CALCOCO1: variants seen among roughly 807,000 people sequenced by gnomAD.
CALCOCO1 encodes the protein calcium binding and coiled-coil domain 1.
A neutral mutation model predicts 86.3 loss-of-function variants in CALCOCO1; 44 were observed. That is an observed-to-expected ratio of 0.51 (90% CI 0.40 to 0.66). The LOEUF is 0.66. Ranked by LOEUF, CALCOCO1 falls within the 30% of genes least tolerant of loss-of-function variation. The pLI, the probability that CALCOCO1 is intolerant of heterozygous loss-of-function variation, is 0.00. For synonymous variants in CALCOCO1, 297 were observed against 327.6 expected, an observed-to-expected ratio of 0.91 and a Z score of 1.01; for missense variants, 708 against 851.1, an observed-to-expected ratio of 0.83 and a Z score of 2.09.
intron 6 of CALCOCO1, 64 bp downstream of exon 6, chr12:53,721,403 G>T: frequency 6.9e-7 from 1 of 1,440,618 alleles, no homozygotes; most frequent in Non-Finnish European, 9.3e-7. Flanking sequence ...GCCTGAGAGA[G>T]GGGGCTGGAG....
chr12:53,714,524 C>T (rs2120560009), intron 11 of CALCOCO1, 74 bp downstream of exon 11: 2 of 1,139,764 alleles, frequency 1.8e-6, no homozygotes, highest in South Asian at 1.3e-5. Context: ...CAAGAGATGA[C>T]AGGAATTTAC....
chr12:53,710,010 G>C lies in CALCOCO1; in HGVS notation c.*1934C>G, dbSNP rs973484407. Reference sequence around the variant, plus strand: ...TAGGCCAAGAGAGGGAGAGGGAGAGGGGGGAAGGTAAAAGGAGGGATGGGG... The same window carrying C: ...TAGGCCAAGAGAGGGAGAGGGAGAGCGGGGAAGGTAAAAGGAGGGATGGGG... On this transcript the variant is annotated 3_prime_UTR_variant, in exon 15 of 15. Transcript: ENST00000550804. 1 of 68,796 alleles carries C rather than the reference G, an allele frequency of 1.5e-5. No homozygotes were observed. Among genetic ancestry groups the C allele is most frequent in the South Asian group, 3.5e-4 (1 of 2,846 alleles). 4.3% of individuals were successfully genotyped at this position (68,796 alleles called of 1,614,324 possible).
Position 53,716,045 on chromosome 12 carries a change from G to A in CALCOCO1, c.1008C>T (p.Ala336=), listed in dbSNP as rs573432857. The A allele has an allele frequency of 1.1e-5, 17 of 1,611,662 alleles. No homozygotes were observed. Among genetic ancestry groups the A allele is most frequent in the East Asian group, 6.7e-5 (3 of 44,878 alleles). The part of the protein sequence containing the change: ...DTLGQAQQRV[A]ELEPLKEQLR... ...GCTGCTCCTTCAAGGGCTCCAGCTC[G>A]GCCTCAGGAGAAAGGAGGAGATGGA... Residue 336 remains alanine (A), a splice_region_variant and synonymous_variant, in exon 9 of 15, where the codon GCC becomes GCT. Coordinates refer to ENST00000550804, the MANE Select transcript of CALCOCO1 (RefSeq NM_020898.3).
At chr12:53,723,485 G>T in intron 4 of CALCOCO1, 108 bp downstream of exon 4, 1 of 1,140,070 alleles carries the variant, frequency 8.8e-7, no homozygotes, top group Non-Finnish European at 1.3e-6. Context: ...TTTCAACGAG[G>T]TCTTTAGTTG....
intron 2 of CALCOCO1, 59 bp from the exon 3 acceptor site, chr12:53,724,806 A>C: frequency 3.6e-6 from 5 of 1,390,840 alleles, no homozygotes; most frequent in African/African-American, 1.4e-5. Context: ...TATGGATGGA[A>C]GAAAGGGCTG....
Position 53,715,779 on chromosome 12 carries a change from C to G in CALCOCO1, c.1260+14G>C. 6.2e-7 allele frequency: 1 copy of G among 1,609,654 alleles called. No homozygotes were observed. The highest frequency in any genetic ancestry group is 8.5e-7 in the Non-Finnish European group (1 of 1,178,638). The stretch of plus-strand genomic sequence containing the variant: ...AGTGGCCATCAGATTGCCAGGTACC[C>G]CCCATCCCTCTACCTCCACACTCTG... On this transcript the variant is annotated intron_variant, in intron 9 of 14. Transcript: ENST00000550804.
chr12:53,720,130 T>C (rs1305994122), intron 6 of CALCOCO1, among the ~76,000 whole-genome samples: 1 of 152,206 alleles, frequency 6.6e-6, no homozygotes, highest in Non-Finnish European at 1.5e-5. Flanking sequence ...TCTAGTCTTT[T>C]TGAGACAAGG....
At chr12:53,718,348 C>T (rs112543960) in intron 7 of CALCOCO1, among the ~76,000 whole-genome samples, 6 of 152,250 alleles carry the variant, frequency 3.9e-5, no homozygotes, top group African/African-American at 1.4e-4. Context: ...TCAAAATTAC[C>T]TAAGTGCTTT....
At chr12:53,712,625 C>T (rs1203215349) in intron 14 of CALCOCO1, 1 of 305,594 alleles carries the variant, frequency 3.3e-6, no homozygotes, top group Non-Finnish European at 6.0e-6. Flanking sequence ...CTATAGGTTC[C>T]CTTCCCTAAG....
chr12:53,722,751 G>A (rs1283623274), intron 4 of CALCOCO1: 1 of 306,974 alleles, frequency 3.3e-6, no homozygotes, highest in African/African-American at 2.2e-5. Flanking sequence ...AGCTAGCTAT[G>A]TGATTTTGAA....
chr12:53,714,385 ACT>A lies in CALCOCO1; in HGVS notation c.1483-146_1483-145del, dbSNP rs892827007. The A allele has an allele frequency of 7.3e-6, 5 of 688,390 alleles. No homozygotes were observed. The African/African-American group carries it at 9.0e-5, about 12-fold the overall frequency. The allele number at this position is 688,390 out of a possible 1,614,324, so 42.6% of individuals were successfully genotyped here. A position where few individuals can be genotyped will look rare whatever the true frequency, so the allele number is the denominator to read the frequency against. ...AAGATTGGGGCAACTTCAGGCAGACACTCCCCCCAGCACCCCTGCTTCACCAC... is the reference window on the plus strand; with the variant it reads ...AAGATTGGGGCAACTTCAGGCAGACACCCCCCAGCACCCCTGCTTCACCAC... On this transcript the variant is annotated intron_variant, in intron 11 of 14. Coordinates refer to ENST00000550804, the MANE Select transcript of CALCOCO1 (RefSeq NM_020898.3).
chr12:53,715,101 G>A, intron 10 of CALCOCO1, 99 bp downstream of exon 10: 1 of 1,407,158 alleles, frequency 7.1e-7, no homozygotes, highest in South Asian at 1.4e-5. Context: ...CATGGTAGTG[G>A]ACACCTAGCA....
intron 6 of CALCOCO1, 63 bp from the exon 7 acceptor site, chr12:53,719,892 C>CCT: frequency 8.6e-7 from 1 of 1,157,230 alleles, no homozygotes; most frequent in Non-Finnish European, 1.3e-6. Flanking sequence ...TGGACTCAGG[C>CCT]CTCTGTCTTG....
rs1945552409 is a variant in CALCOCO1 at position 53,711,607 on chromosome 12, C to T, written c.*337G>A. ...GAGTGTGAGTGTGAGTGTGTGTGTGCAGTGGCTGTGTATCAGAAGCAACCA... is the reference window on the plus strand; with the variant it reads ...GAGTGTGAGTGTGAGTGTGTGTGTGTAGTGGCTGTGTATCAGAAGCAACCA... On this transcript the variant is annotated 3_prime_UTR_variant, in exon 15 of 15. Coordinates refer to ENST00000550804, the MANE Select transcript of CALCOCO1 (RefSeq NM_020898.3). 1.0e-5 allele frequency: 3 copies of T among 298,518 alleles called. No homozygotes were observed. The highest frequency in any genetic ancestry group is 4.9e-5 in the Admixed American group (1 of 20,406). 18.5% of individuals were successfully genotyped at this position (298,518 alleles called of 1,614,324 possible).
chr12:53,712,715 C>T, intron 14 of CALCOCO1: 1 of 951,498 alleles, frequency 1.1e-6, no homozygotes, highest in South Asian at 1.6e-5. Flanking sequence ...CTTCTCTCTG[C>T]TCCTATCCCT....
chr12:53,721,693 G>T, intron 5 of CALCOCO1, 78 bp from the exon 6 acceptor site: 1 of 1,549,944 alleles, frequency 6.5e-7, no homozygotes, highest in Non-Finnish European at 8.8e-7. Context: ...CTTAGGAAGA[G>T]CACACCAGGG....
chr12:53,720,114 C>G (rs1024550493), intron 6 of CALCOCO1, among the ~76,000 whole-genome samples: 2 of 152,168 alleles, frequency 1.3e-5, no homozygotes, highest in Non-Finnish European at 2.9e-5. Context: ...AATCAAGAGA[C>G]TAGAATCTAG....
At chr12:53,726,879 C>T (rs1946047889) in intron 1 of CALCOCO1, among the ~76,000 whole-genome samples, 1 of 152,136 alleles carries the variant, frequency 6.6e-6, no homozygotes, top group South Asian at 2.1e-4. Context: ...TGTAAACGTT[C>T]TTCATGTCCG....
At position 53,712,036 on chromosome 12, in the gene CALCOCO1, G is replaced by C; in HGVS notation, c.1984C>G (p.Arg662Gly). ...TCCTTGTCACTCTCAGCAGGAAAGC[G>C]CTCCTTACAGATAGGACACTCCTTC... ...TWKECPICKERFPAESDKDAL... is the reference protein window; with the variant it reads ...TWKECPICKEGFPAESDKDAL... Residue 662 changes from arginine (R) to glycine (G), a missense_variant, in exon 15 of 15, where the codon CGC becomes GGC. Coordinates refer to ENST00000550804, the MANE Select transcript of CALCOCO1 (RefSeq NM_020898.3). 1 of 1,612,090 alleles carries C rather than the reference G, an allele frequency of 6.2e-7. No homozygotes were observed.
Sources: gnomAD v4.1 joint callset for allele counts (sites outside exome capture counted in the v4.1 genomes callset) on GRCh38, gnomAD v4.1.1 for gene constraint, MANE v1.5 for transcripts, NCBI Gene and HGNC (gene_info 2026-07-23, HGNC 2026-07-21) for gene names.